Variants in SKA2 observed in about 807,000 individuals in gnomAD.
SKA2 encodes the protein spindle and kinetochore-associated protein 2.
In SKA2, 13 loss-of-function variants were observed where a neutral mutation model predicts 16.9. The observed-to-expected ratio is 0.77, with a 90% CI of 0.50 to 1.22. The LOEUF is 1.22. SKA2 is among the 50% of genes most tolerant of loss of function. The probability of loss-of-function intolerance (pLI) is 0.00; values close to 1 mark genes in which losing one functional copy is unlikely to be tolerated. For synonymous variants in SKA2, 47 were observed against 48.5 expected, an observed-to-expected ratio of 0.97 and a Z score of 0.13; for missense variants, 107 against 139.7, an observed-to-expected ratio of 0.77 and a Z score of 1.18.
At chr17:59,129,646 T>A (rs1599666977) in intron 2 of SKA2, among the ~76,000 whole-genome samples, 1 of 151,316 alleles carries the variant, frequency 6.6e-6, no homozygotes, top group Non-Finnish European at 1.5e-5. Context: ...TCACTTGAGG[T>A]CAGGAGTTTG....
intron 1 of SKA2, among the ~76,000 whole-genome samples, chr17:59,147,839 A>G (rs111344917): frequency 0.022 from 3,397 of 151,828 alleles, 149 homozygotes; most frequent in African/African-American, 0.076. Flanking sequence ...CAAAAAAAAA[A>G]AAAAAAATTT....
chr17:59,142,106 C>G (rs1048266862), intron 1 of SKA2, among the ~76,000 whole-genome samples: 17 of 152,144 alleles, frequency 1.1e-4, no homozygotes, highest in African/African-American at 3.9e-4. Flanking sequence ...CTCTGCCCAT[C>G]ATGAAGTCAT....
intron 2 of SKA2, among the ~76,000 whole-genome samples, chr17:59,123,312 A>G (rs2046349139): frequency 7.0e-6 from 1 of 143,284 alleles, no homozygotes; most frequent in Non-Finnish European, 1.5e-5. Flanking sequence ...TAATCCCAGC[A>G]CTTTGGGAAG....
At chr17:59,152,830 A>G (rs1425953570) in intron 1 of SKA2, among the ~76,000 whole-genome samples, 1 of 151,920 alleles carries the variant, frequency 6.6e-6, no homozygotes, top group Non-Finnish European at 1.5e-5. Flanking sequence ...AACCCTAATA[A>G]TTATGGAAAC....
chr17:59,140,431 G>T (rs1403204324), intron 1 of SKA2, among the ~76,000 whole-genome samples: 1 of 151,638 alleles, frequency 6.6e-6, no homozygotes, highest in Non-Finnish European at 1.5e-5. Flanking sequence ...GTTTCACCAT[G>T]TTGGCCAGGC....
intron 3 of SKA2, among the ~76,000 whole-genome samples, chr17:59,116,182 C>G (rs1295276588): frequency 6.6e-6 from 1 of 152,068 alleles, no homozygotes; most frequent in Non-Finnish European, 1.5e-5. Flanking sequence ...ACCAGCCTGG[C>G]CAACTTGGTG....
intron 3 of SKA2, among the ~76,000 whole-genome samples, chr17:59,117,628 T>C (rs2046305654): frequency 6.6e-6 from 1 of 151,924 alleles, no homozygotes; most frequent in South Asian, 2.1e-4. Flanking sequence ...TCTCACTATG[T>C]TGTCCAGGCT....
At chr17:59,120,886 C>T (rs1286850354) in intron 2 of SKA2, among the ~76,000 whole-genome samples, 1 of 152,220 alleles carries the variant, frequency 6.6e-6, no homozygotes, top group East Asian at 1.9e-4. Flanking sequence ...GGCGCAGTGG[C>T]TCACGCCTGT....
chr17:59,138,040 A>AGG (rs1383775829), intron 1 of SKA2, among the ~76,000 whole-genome samples: 18 of 152,134 alleles, frequency 1.2e-4, no homozygotes. Flanking sequence ...TTATTGTTTA[A>AGG]CTTTTTAGGG....
intron 3 of SKA2, among the ~76,000 whole-genome samples, chr17:59,114,336 A>G (rs752964024): frequency 2.6e-5 from 4 of 152,186 alleles, no homozygotes; most frequent in Non-Finnish European, 5.9e-5. Flanking sequence ...TGAGAAATGC[A>G]TCGTTAGGCA....
intron 3 of SKA2, among the ~76,000 whole-genome samples, chr17:59,118,549 A>G (rs2046311849): frequency 1.3e-5 from 2 of 152,194 alleles, no homozygotes; most frequent in South Asian, 4.1e-4. Context: ...ATAATGAAGA[A>G]TGTGTGATTT....
At chr17:59,113,739 T>C (rs1014187955) in intron 3 of SKA2, among the ~76,000 whole-genome samples, 2 of 151,832 alleles carry the variant, frequency 1.3e-5, no homozygotes, top group African/African-American at 4.8e-5. Flanking sequence ...GGCAGGAGAA[T>C]TGCTTGAACC....
chr17:59,147,976 G>C (rs2046546877), intron 1 of SKA2, among the ~76,000 whole-genome samples: 1 of 151,932 alleles, frequency 6.6e-6, no homozygotes. Flanking sequence ...CCAAGTAGCT[G>C]GGATTACAGG....
chr17:59,136,350 GA>G (rs558788540), intron 1 of SKA2, among the ~76,000 whole-genome samples: 249 of 151,924 alleles, frequency 1.6e-3, no homozygotes, highest in African/African-American at 5.3e-3. Flanking sequence ...TTTTAGTAGA[GA>G]CGGGGTATCA....
intron 1 of SKA2, among the ~76,000 whole-genome samples, chr17:59,133,841 A>G (rs2046426371): frequency 6.6e-6 from 1 of 152,196 alleles, no homozygotes; most frequent in African/African-American, 2.4e-5. Flanking sequence ...GTACAGATAA[A>G]AGAAAGAGAA....
intron 1 of SKA2, among the ~76,000 whole-genome samples, chr17:59,153,536 CACA>C: frequency 6.6e-6 from 1 of 151,800 alleles, no homozygotes; most frequent in East Asian, 1.9e-4. Flanking sequence ...AATTCATTAG[CACA>C]ACAGAAGAAA....
At chr17:59,154,245 A>C (rs1020021534) in intron 1 of SKA2, among the ~76,000 whole-genome samples, 1 of 152,054 alleles carries the variant, frequency 6.6e-6, no homozygotes, top group Non-Finnish European at 1.5e-5. Context: ...CAGAACAAGG[A>C]CACTAAGAGG....
At chr17:59,149,495 G>A (rs1043613775) in intron 1 of SKA2, among the ~76,000 whole-genome samples, 1 of 151,436 alleles carries the variant, frequency 6.6e-6, no homozygotes, top group African/African-American at 2.4e-5. Flanking sequence ...GACAGTATGA[G>A]ACCCTGTCTC....
At chr17:59,148,829 A>AG (rs2046555086) in intron 1 of SKA2, among the ~76,000 whole-genome samples, 4 of 150,516 alleles carry the variant, frequency 2.7e-5, no homozygotes, top group Admixed American at 6.6e-5. Flanking sequence ...AAAAAAAAAA[A>AG]AGAAAAGAAA....
Sources: gnomAD v4.1 joint callset for allele counts (sites outside exome capture counted in the v4.1 genomes callset) on GRCh38, gnomAD v4.1.1 for gene constraint, MANE v1.5 for transcripts, NCBI Gene and HGNC (gene_info 2026-07-23, HGNC 2026-07-21) for gene names.